OPCML: variants seen among roughly 807,000 people sequenced by gnomAD.
OPCML encodes the protein opioid-binding protein/cell adhesion molecule.
OPCML carries 13 observed loss-of-function variants against 37.8 expected under a neutral mutation model. The observed-to-expected ratio is 0.34, with a 90% CI of 0.22 to 0.55. The LOEUF (loss-of-function observed/expected upper bound fraction) is 0.55. Among genes scored for constraint, OPCML ranks in the 20% least tolerant of loss-of-function variants. The pLI is 0.91. For missense variants in OPCML, 341 were observed against 435.6 expected (o/e 0.78, Z 1.93); for synonymous variants, 176 against 168.8 (o/e 1.04, Z -0.33).
chr11:132,901,418 A>G (rs1388376522), intron 2 of OPCML, among the ~76,000 whole-genome samples: 1 of 152,230 alleles, frequency 6.6e-6, no homozygotes, highest in African/African-American at 2.4e-5. Flanking sequence ...CAATGGGAAA[A>G]TAACTGTTTC....
At chr11:132,478,477 C>T (rs192965870) in intron 4 of OPCML, among the ~76,000 whole-genome samples, 1 of 152,256 alleles carries the variant, frequency 6.6e-6, no homozygotes, top group East Asian at 1.9e-4. Flanking sequence ...CACAACACAT[C>T]CTTAACATGA....
chr11:133,499,855 T>A (rs71477444), intron 1 of OPCML, among the ~76,000 whole-genome samples: 1 of 135,192 alleles, frequency 7.4e-6, no homozygotes, highest in Non-Finnish European at 1.5e-5. Context: ...TATATATACA[T>A]ACACATATAT....
intron 1 of OPCML, among the ~76,000 whole-genome samples, chr11:132,982,840 G>A (rs1191081906): frequency 6.6e-6 from 1 of 152,114 alleles, no homozygotes; most frequent in African/African-American, 2.4e-5. Context: ...CTCTCTCTAT[G>A]AGCCCAGCAC....
intron 1 of OPCML, among the ~76,000 whole-genome samples, chr11:133,088,484 C>T (rs1015640645): frequency 2.6e-5 from 4 of 152,196 alleles, no homozygotes; most frequent in Non-Finnish European, 4.4e-5. Context: ...GTGGACACTG[C>T]CCTCGCCAAT....
chr11:133,344,145 T>G (rs938536855), intron 1 of OPCML, among the ~76,000 whole-genome samples: 5 of 152,166 alleles, frequency 3.3e-5, no homozygotes, highest in Non-Finnish European at 5.9e-5. Flanking sequence ...ATCAGCGTGC[T>G]CCCTCCCTAA....
intron 1 of OPCML, among the ~76,000 whole-genome samples, chr11:133,500,634 TCC>T: frequency 6.6e-6 from 1 of 152,230 alleles, no homozygotes; most frequent in Middle Eastern, 3.4e-3. Flanking sequence ...ACTAGCCAGC[TCC>T]CATGGCAGCT....
intron 1 of OPCML, among the ~76,000 whole-genome samples, chr11:133,276,965 T>C (rs955447053): frequency 6.6e-6 from 1 of 152,244 alleles, no homozygotes; most frequent in East Asian, 1.9e-4. Context: ...AGTTTATAGA[T>C]GGATAAATAC....
chr11:133,422,396 T>C (rs1475062044), intron 1 of OPCML: 1 of 931,998 alleles, frequency 1.1e-6, no homozygotes, highest in Non-Finnish European at 1.3e-6. Flanking sequence ...TATATATATG[T>C]ATATATGCGC....
At chr11:133,261,655 G>A (rs1030988549) in intron 1 of OPCML, among the ~76,000 whole-genome samples, 2 of 152,196 alleles carry the variant, frequency 1.3e-5, no homozygotes, top group African/African-American at 2.4e-5. Context: ...TCATATCCTC[G>A]GTGTATAAAG....
rs560519149 is a variant in OPCML, at chr11:133,097,189, G to A, written c.62-154179C>T. Among the ~76,000 whole-genome samples the A allele has an allele frequency of 7.9e-5, 12 of 152,176 alleles. No homozygotes were observed. In the South Asian group the frequency reaches 1.0e-3, roughly 13 times the overall value. On this transcript the variant is annotated intron_variant, in intron 1 of 7. Coordinates refer to ENST00000524381, the MANE Select transcript of OPCML (RefSeq NM_001012393.5). ...AAGAAATGTAAAAGACAGAAATTGC[G>A]CAATGTGTGATCTCACATCAAAATG...
intron 1 of OPCML, among the ~76,000 whole-genome samples, chr11:133,201,588 G>A (rs1472071040): frequency 6.6e-6 from 1 of 152,188 alleles, no homozygotes; most frequent in Non-Finnish European, 1.5e-5. Flanking sequence ...GCGTTGTTCA[G>A]AAGATGAGCA....
At chr11:132,713,729 G>C (rs968338649) in intron 2 of OPCML, among the ~76,000 whole-genome samples, 2 of 152,158 alleles carry the variant, frequency 1.3e-5, no homozygotes, top group Non-Finnish European at 2.9e-5. Context: ...CATGAGTTAT[G>C]AACATGAACA....
At chr11:133,451,295 G>A (rs2058714578) in intron 1 of OPCML, among the ~76,000 whole-genome samples, 1 of 151,792 alleles carries the variant, frequency 6.6e-6, no homozygotes, top group Non-Finnish European at 1.5e-5. Flanking sequence ...GCAGGGAAAT[G>A]CTGAGGAAAA....
chr11:132,719,786 C>T (rs1391907586), intron 2 of OPCML, among the ~76,000 whole-genome samples: 2 of 152,244 alleles, frequency 1.3e-5, no homozygotes, highest in Admixed American at 6.5e-5. Flanking sequence ...CCCTCAACTT[C>T]TCCAGATGGT....
intron 2 of OPCML, among the ~76,000 whole-genome samples, chr11:132,846,481 A>T (rs1424328906): frequency 6.6e-6 from 1 of 152,224 alleles, no homozygotes; most frequent in Non-Finnish European, 1.5e-5. Flanking sequence ...CCTAATGAAA[A>T]TGAGAAGAAA....
At chr11:132,574,199 T>A (rs1474907442) in intron 3 of OPCML, among the ~76,000 whole-genome samples, 4 of 151,532 alleles carry the variant, frequency 2.6e-5, no homozygotes, top group African/African-American at 9.7e-5. Context: ...CATTAATTTA[T>A]TTCTACCGTT....
chr11:133,495,056 C>T (rs1331138149), intron 1 of OPCML, among the ~76,000 whole-genome samples: 1 of 151,732 alleles, frequency 6.6e-6, no homozygotes, highest in Non-Finnish European at 1.5e-5. Flanking sequence ...CCCTTGCCCC[C>T]TGCCACTCTT....
intron 2 of OPCML, among the ~76,000 whole-genome samples, chr11:132,909,661 G>C (rs1944358479): frequency 6.6e-6 from 1 of 152,194 alleles, no homozygotes. Flanking sequence ...CCAACTACCA[G>C]CCTGTCACAT....
chr11:132,880,699 A>G (rs1232390851), intron 2 of OPCML, among the ~76,000 whole-genome samples: 1 of 152,258 alleles, frequency 6.6e-6, no homozygotes, highest in Non-Finnish European at 1.5e-5. Flanking sequence ...ACTTACAGTA[A>G]TTACTAGAGA....
Sources: allele counts gnomAD v4.1 joint callset (sites outside exome capture counted in the v4.1 genomes callset), GRCh38; gene constraint gnomAD v4.1.1; transcripts MANE v1.5; gene names NCBI Gene and HGNC (gene_info 2026-07-23, HGNC 2026-07-21).